BCL2: variants seen among roughly 807,000 people sequenced by gnomAD.
BCL2 encodes apoptosis regulator Bcl-2.
A neutral mutation model predicts 14.2 loss-of-function variants in BCL2; 1 was observed. The ratio of observed to expected loss-of-function variants is 0.07; its 90% CI spans 0.02 to 0.33. The LOEUF (loss-of-function observed/expected upper bound fraction) is 0.33. Among genes scored for constraint, BCL2 ranks in the 10% least tolerant of loss-of-function variants. The pLI, the probability that BCL2 is intolerant of heterozygous loss-of-function variation, is 0.99. For missense variants in BCL2, 247 were observed against 305.9 expected (o/e 0.81, Z 1.44); for synonymous variants, 151 against 137.2 (o/e 1.10, Z -0.70).
At chr18:63,218,735 ACTCATCTCCATCC>A (rs1910290006) in intron 2 of BCL2, among the ~76,000 whole-genome samples, 1 of 34,390 alleles carries the variant, frequency 2.9e-5, no homozygotes, top group Admixed American at 4.4e-4. Flanking sequence ...CCCATCCTCC[ACTCATCTCCATCC>A]TCCACTCATC....
At chr18:63,253,944 C>G (rs1911392384) in intron 2 of BCL2, among the ~76,000 whole-genome samples, 1 of 147,940 alleles carries the variant, frequency 6.8e-6, no homozygotes, top group African/African-American at 2.5e-5. Context: ...GCATTTCTCT[C>G]TTATCGAGGA....
intron 2 of BCL2, among the ~76,000 whole-genome samples, chr18:63,143,981 A>G (rs1329970338): frequency 2.0e-5 from 3 of 152,228 alleles, no homozygotes; most frequent in South Asian, 2.1e-4. Context: ...CGCTCTTCCA[A>G]TGGGATGACT....
chr18:63,304,516 G>A (rs1175051737), intron 2 of BCL2, among the ~76,000 whole-genome samples: 1 of 152,076 alleles, frequency 6.6e-6, no homozygotes, highest in African/African-American at 2.4e-5. Flanking sequence ...TGCTCTATGA[G>A]CAAATTTAAA....
At chr18:63,261,009 A>C (rs1459000543) in intron 2 of BCL2, among the ~76,000 whole-genome samples, 4 of 152,216 alleles carry the variant, frequency 2.6e-5, no homozygotes, top group Non-Finnish European at 1.5e-5. Context: ...AGGTCCAGGG[A>C]AGGGCTCCAT....
intron 2 of BCL2, among the ~76,000 whole-genome samples, chr18:63,234,623 C>G (rs1910772766): frequency 6.6e-6 from 1 of 152,180 alleles, no homozygotes; most frequent in African/African-American, 2.4e-5. Context: ...TGGGCCTTAT[C>G]TGTGTGCTCA....
intron 2 of BCL2, among the ~76,000 whole-genome samples, chr18:63,242,689 C>T (rs982889599): frequency 2.0e-4 from 31 of 152,182 alleles, no homozygotes; most frequent in Middle Eastern, 3.2e-3. Flanking sequence ...TCTCACCGTT[C>T]TCCAGAACAG....
At chr18:63,261,967 A>G (rs1265637243) in intron 2 of BCL2, among the ~76,000 whole-genome samples, 1 of 152,060 alleles carries the variant, frequency 6.6e-6, no homozygotes, top group Non-Finnish European at 1.5e-5. Flanking sequence ...TTTAGTAGAG[A>G]CAATGTTTCC....
At chr18:63,252,414 C>T (rs1191200402) in intron 2 of BCL2, among the ~76,000 whole-genome samples, 3 of 152,088 alleles carry the variant, frequency 2.0e-5, no homozygotes, top group Non-Finnish European at 4.4e-5. Context: ...CCTTCCATAC[C>T]TATTGATACG....
chr18:63,206,594 C>T (rs1909843288), intron 2 of BCL2, among the ~76,000 whole-genome samples: 1 of 152,214 alleles, frequency 6.6e-6, no homozygotes, highest in Non-Finnish European at 1.5e-5. Flanking sequence ...GACTGACCAT[C>T]CAGAATCCAG....
chr18:63,193,364 C>T (rs1187863377), intron 2 of BCL2, among the ~76,000 whole-genome samples: 1 of 151,864 alleles, frequency 6.6e-6, no homozygotes, highest in African/African-American at 2.4e-5. Context: ...ATTCTTTATT[C>T]CTGTTGAAGG....
At position 63,318,790 on chromosome 18, in the gene BCL2, G is replaced by A. The variant is rs1331673059; in HGVS notation, c.-124C>T. ...TTTATTGGATGTGCTTTGCATTCTT[G>A]GACGAGGGGGTGTCTTCAATCACGC... is the stretch of plus-strand genomic sequence containing the variant. On this transcript the variant is annotated 5_prime_UTR_variant, in exon 2 of 3. Coordinates refer to ENST00000333681, the MANE Select transcript of BCL2 (RefSeq NM_000633.3). The surrounding 1 kb of genome is among the most constrained non-coding windows in gnomAD (Gnocchi z 7.4). 1 of 1,483,232 alleles carries A rather than the reference G, an allele frequency of 6.7e-7. No homozygotes were observed. Among genetic ancestry groups the A allele is most frequent in the Non-Finnish European group, 8.9e-7 (1 of 1,117,494 alleles). The allele number at this position is 1,483,232 out of a possible 1,614,324, so 91.9% of individuals were successfully genotyped here.
chr18:63,195,740 GC>G (rs1208568237), intron 2 of BCL2, among the ~76,000 whole-genome samples: 2 of 152,070 alleles, frequency 1.3e-5, no homozygotes, highest in Non-Finnish European at 2.9e-5. Context: ...TGTATTGTAG[GC>G]TTTTAATGAA....
At chr18:63,296,179 A>G (rs1912790065) in intron 2 of BCL2, among the ~76,000 whole-genome samples, 1 of 152,218 alleles carries the variant, frequency 6.6e-6, no homozygotes, top group South Asian at 2.1e-4. Context: ...ATAAAAGTAA[A>G]TATTTCCATG....
At chr18:63,129,808 C>T (rs1183961175) in intron 2 of BCL2, among the ~76,000 whole-genome samples, 2 of 152,054 alleles carry the variant, frequency 1.3e-5, no homozygotes, top group Admixed American at 1.3e-4. Flanking sequence ...CCAAGGGCGG[C>T]CTTGACTGGT....
At chr18:63,199,132 CACAG>C (rs1482996292) in intron 2 of BCL2, among the ~76,000 whole-genome samples, 58 of 149,548 alleles carry the variant, frequency 3.9e-4, no homozygotes, top group Non-Finnish European at 7.5e-4. Context: ...CATGTACAGG[CACAG>C]ACACAGAGAC....
intron 2 of BCL2, among the ~76,000 whole-genome samples, chr18:63,201,263 A>T (rs1863584373): frequency 6.6e-6 from 1 of 152,230 alleles, no homozygotes; most frequent in Admixed American, 6.5e-5. Context: ...CAATTCTGAC[A>T]TTTAAGACTT....
intron 2 of BCL2, among the ~76,000 whole-genome samples, chr18:63,254,099 A>G (rs1481775412): frequency 6.6e-6 from 1 of 152,116 alleles, no homozygotes; most frequent in African/African-American, 2.4e-5. Flanking sequence ...AAACATTAGC[A>G]TGAGAGAAGG....
At chr18:63,292,966 T>G (rs1471290164) in intron 2 of BCL2, among the ~76,000 whole-genome samples, 3 of 152,218 alleles carry the variant, frequency 2.0e-5, no homozygotes, top group Admixed American at 2.0e-4. Flanking sequence ...TGTCACAACC[T>G]GGTGGCCGCT....
intron 2 of BCL2, 47 bp from the exon 3 acceptor site, chr18:63,128,806 G>A: frequency 1.4e-6 from 1 of 738,004 alleles, no homozygotes; most frequent in South Asian, 1.4e-5. Flanking sequence ...GTATTAGAGA[G>A]AGAGCAGAGA....
Sources: gnomAD v4.1 joint callset for allele counts (sites outside exome capture counted in the v4.1 genomes callset) on GRCh38, gnomAD v4.1.1 for gene constraint, Gnocchi (gnomAD v3.1) non-coding constraint, MANE v1.5 for transcripts, NCBI Gene and HGNC (gene_info 2026-07-23, HGNC 2026-07-21) for gene names.